DESI2: variants seen among roughly 807,000 people sequenced by gnomAD.
The protein encoded by DESI2 is deubiquitinase DESI2.
In DESI2, 10 loss-of-function variants were observed where a neutral mutation model predicts 24.1. That is an observed-to-expected ratio of 0.41 (90% CI 0.26 to 0.70). DESI2 has a LOEUF of 0.70. Among genes scored for constraint, DESI2 ranks in the 30% least tolerant of loss-of-function variants. The pLI, the probability that DESI2 is intolerant of heterozygous loss-of-function variation, is 0.29. For synonymous variants in DESI2, 71 were observed against 87.7 expected (o/e 0.81, Z 1.06); for missense variants, 122 against 234.9 (o/e 0.52, Z 3.14).
intron 2 of DESI2, among the ~76,000 whole-genome samples, chr1:244,687,753 G>T (rs891390538): frequency 6.6e-6 from 1 of 152,206 alleles, no homozygotes. Context: ...AGGAAATACT[G>T]AGGGGCTCTT....
chr1:244,673,024 G>C (rs1019457985), intron 1 of DESI2, among the ~76,000 whole-genome samples: 1 of 151,824 alleles, frequency 6.6e-6, no homozygotes, highest in Non-Finnish European at 1.5e-5. Flanking sequence ...TTTTGGTTTG[G>C]TTTTTTTTAC....
chr1:244,704,494 G>A (rs987079620), intron 4 of DESI2, among the ~76,000 whole-genome samples: 1 of 152,148 alleles, frequency 6.6e-6, no homozygotes, highest in Admixed American at 6.5e-5. Context: ...CAGGAAGTGG[G>A]CAACTATAGA....
At chr1:244,693,734 C>T (rs892838325) in intron 4 of DESI2, among the ~76,000 whole-genome samples, 1 of 152,130 alleles carries the variant, frequency 6.6e-6, no homozygotes, top group Non-Finnish European at 1.5e-5. Flanking sequence ...CCCAGCCTAA[C>T]GCTGAATTGT....
Position 244,689,432 on chromosome 1 carries a change from A to G in DESI2, c.209+90A>G, listed in dbSNP as rs1676941129. 1 of 625,106 alleles carries G rather than the reference A, an allele frequency of 1.6e-6. No individual in the cohort carries two copies. The highest frequency in any genetic ancestry group is 2.9e-6 in the Non-Finnish European group (1 of 350,620). 38.7% of individuals were successfully genotyped at this position (625,106 alleles called of 1,614,324 possible). On this transcript the variant is annotated intron_variant, in intron 3 of 4. Coordinates refer to ENST00000302550, the MANE Select transcript of DESI2 (RefSeq NM_016076.5). This position sits in a 1 kb window ranked among gnomAD's most constrained non-coding sequence, Gnocchi z 4.0. ...GAATTCATTCTGTAAATCAAAACAA[A>G]CCCAAGAAGTTAAAAATGTCTCTTT...
intron 1 of DESI2, among the ~76,000 whole-genome samples, chr1:244,683,807 A>G (rs1439225981): frequency 2.0e-5 from 3 of 151,378 alleles, no homozygotes; most frequent in Non-Finnish European, 2.9e-5. Flanking sequence ...TGCAACCTCA[A>G]ACTCCCGGGC....
intron 1 of DESI2, among the ~76,000 whole-genome samples, chr1:244,671,680 A>G (rs1359611304): frequency 6.6e-6 from 1 of 152,234 alleles, no homozygotes; most frequent in Admixed American, 6.5e-5. Flanking sequence ...TATCCAGCAG[A>G]AATCTTGCTA....
chr1:244,687,683 A>G (rs1162612144), intron 2 of DESI2, among the ~76,000 whole-genome samples: 1 of 152,226 alleles, frequency 6.6e-6, no homozygotes, highest in African/African-American at 2.4e-5. Context: ...AATGTTGGCT[A>G]TAAAAATCTG....
At chr1:244,670,702 C>T (rs534320180) in intron 1 of DESI2, among the ~76,000 whole-genome samples, 24 of 152,294 alleles carry the variant, frequency 1.6e-4, no homozygotes, top group African/African-American at 5.8e-4. Flanking sequence ...GGACTTCAAC[C>T]AAGACATTCT....
chr1:244,679,727 C>T (rs1424803724), intron 1 of DESI2, among the ~76,000 whole-genome samples: 1 of 152,040 alleles, frequency 6.6e-6, no homozygotes, highest in Non-Finnish European at 1.5e-5. Flanking sequence ...AAAAATTATC[C>T]AGGTATTTCA....
At chr1:244,686,935 A>G (rs1195302061) in intron 2 of DESI2, among the ~76,000 whole-genome samples, 1 of 152,218 alleles carries the variant, frequency 6.6e-6, no homozygotes, top group African/African-American at 2.4e-5. Flanking sequence ...GTTTTAAAAA[A>G]TATTTTCCTT....
At chr1:244,659,610 T>A (rs1288045969) in intron 1 of DESI2, among the ~76,000 whole-genome samples, 1 of 152,236 alleles carries the variant, frequency 6.6e-6, no homozygotes, top group East Asian at 1.9e-4. Context: ...CTGACTTCAC[T>A]TTCCTCCACA....
At chr1:244,687,430 A>T (rs973637355) in intron 2 of DESI2, among the ~76,000 whole-genome samples, 1 of 152,184 alleles carries the variant, frequency 6.6e-6, no homozygotes, top group Admixed American at 6.5e-5. Context: ...ATTTCATTCA[A>T]TGTATCATTT....
chr1:244,683,581 G>A (rs1198957685), intron 1 of DESI2, among the ~76,000 whole-genome samples: 5 of 152,102 alleles, frequency 3.3e-5, no homozygotes, highest in African/African-American at 1.2e-4. Context: ...AAAGTGCTGG[G>A]ATTACAGGCG....
At chr1:244,698,672 T>C (rs1039247310) in intron 4 of DESI2, among the ~76,000 whole-genome samples, 1 of 152,208 alleles carries the variant, frequency 6.6e-6, no homozygotes, top group African/African-American at 2.4e-5. Flanking sequence ...ACAAGCTGTG[T>C]TAAACTGAAA....
At chr1:244,690,834 A>G (rs1677000434) in intron 3 of DESI2, among the ~76,000 whole-genome samples, 1 of 152,210 alleles carries the variant, frequency 6.6e-6, no homozygotes, top group Non-Finnish European at 1.5e-5. Context: ...ATTAAACTTC[A>G]GTAGAGAGCT....
intron 1 of DESI2, among the ~76,000 whole-genome samples, chr1:244,683,424 G>C (rs1460518074): frequency 1.3e-5 from 2 of 151,466 alleles, no homozygotes; most frequent in Non-Finnish European, 2.9e-5. Context: ...CCATTCTCCT[G>C]CCTCAGCCTC....
intron 1 of DESI2, among the ~76,000 whole-genome samples, chr1:244,684,644 TTTGA>T (rs1341248293): frequency 3.3e-5 from 5 of 152,238 alleles, no homozygotes; most frequent in Admixed American, 1.3e-4. Context: ...TTATTCTTTT[TTTGA>T]TTGATAGTTT....
At chr1:244,653,541 G>T in intron 1 of DESI2, 186 bp downstream of exon 1, 1 of 578,122 alleles carries the variant, frequency 1.7e-6, no homozygotes, top group Non-Finnish European at 2.8e-6. Context: ...TCGACGCTCC[G>T]GTGAACCCAG....
chr1:244,679,065 G>T (rs1676510141), intron 1 of DESI2, among the ~76,000 whole-genome samples: 1 of 151,906 alleles, frequency 6.6e-6, no homozygotes, highest in South Asian at 2.1e-4. Context: ...TTGAGACAGG[G>T]TCTCACTCAG....
Sources: allele counts gnomAD v4.1 joint callset (sites outside exome capture counted in the v4.1 genomes callset), GRCh38; gene constraint gnomAD v4.1.1; non-coding constraint Gnocchi (gnomAD v3.1); transcripts MANE v1.5; gene names NCBI Gene and HGNC (gene_info 2026-07-23, HGNC 2026-07-21).